Variants in SIK3 observed in about 807,000 individuals in gnomAD.
SIK3 encodes serine/threonine-protein kinase SIK3.
Under a neutral mutation model 144.2 loss-of-function variants are expected in SIK3, and 28 were observed. That is an observed-to-expected ratio of 0.19 (90% CI 0.14 to 0.27). The LOEUF is 0.27. Among genes scored for constraint, SIK3 ranks in the 10% least tolerant of loss-of-function variants. SIK3 has a pLI of 1.00. For missense variants in SIK3, 1,319 were observed against 1,776.0 expected, an observed-to-expected ratio of 0.74 and a Z score of 4.62; for synonymous variants, 686 against 676.3, an observed-to-expected ratio of 1.01 and a Z score of -0.22.
intron 6 of SIK3, among the ~76,000 whole-genome samples, chr11:116,889,944 A>C (rs1274062046): frequency 6.6e-6 from 1 of 152,190 alleles, no homozygotes; most frequent in Non-Finnish European, 1.5e-5. Context: ...AAAAGCCCTA[A>C]ACAAATGTAA....
At chr11:116,885,576 T>C (rs546271548) in intron 6 of SIK3, among the ~76,000 whole-genome samples, 92 of 152,322 alleles carry the variant, frequency 6.0e-4, no homozygotes, top group South Asian at 5.6e-3. Context: ...TTTTGACTCC[T>C]AGTATCAGTC....
At chr11:117,042,129 G>T (rs1463082978) in intron 1 of SIK3, among the ~76,000 whole-genome samples, 1 of 152,016 alleles carries the variant, frequency 6.6e-6, no homozygotes, top group South Asian at 2.1e-4. Flanking sequence ...TGACTTCGAG[G>T]GTTACAGAAG....
In SIK3 at chr11:117,055,586, G is replaced by T. The variant is rs571188829; in HGVS notation, c.273+42557C>A. On this transcript the variant is annotated intron_variant, in intron 1 of 24. Coordinates refer to ENST00000445177, the MANE Select transcript of SIK3 (RefSeq NM_001366686.3). ...GAGGAGCCAAGGACAAAATCCAGAAGAATATAATCGCTTAACAAGTAGGCA... is the reference window on the plus strand; with the variant it reads ...GAGGAGCCAAGGACAAAATCCAGAATAATATAATCGCTTAACAAGTAGGCA... Among the ~76,000 whole-genome samples, 5 of 152,348 alleles carry T rather than the reference G, an allele frequency of 3.3e-5. No homozygotes were observed. The South Asian group carries it at 1.0e-3, about 32-fold the overall frequency.
At chr11:116,866,687 G>A (rs1239939408) in intron 15 of SIK3, among the ~76,000 whole-genome samples, 2 of 152,044 alleles carry the variant, frequency 1.3e-5, no homozygotes, top group Non-Finnish European at 2.9e-5. Context: ...TGATCCACCC[G>A]CCTCGGCCTC....
chr11:116,976,660 G>C (rs1949956832), intron 1 of SIK3, among the ~76,000 whole-genome samples: 1 of 152,180 alleles, frequency 6.6e-6, no homozygotes, highest in Non-Finnish European at 1.5e-5. Flanking sequence ...CCTCTGCTAA[G>C]GCTGGTGTTT....
At chr11:117,078,895 G>GA in intron 1 of SIK3, among the ~76,000 whole-genome samples, 1 of 151,628 alleles carries the variant, frequency 6.6e-6, no homozygotes, top group Admixed American at 6.6e-5. Flanking sequence ...AAAACTGTGA[G>GA]AAAAATGTTG....
At chr11:117,096,498 G>C (rs1271908482) in intron 1 of SIK3, among the ~76,000 whole-genome samples, 1 of 152,166 alleles carries the variant, frequency 6.6e-6, no homozygotes, top group Non-Finnish European at 1.5e-5. Context: ...GAGGGGCTGG[G>C]GTGGCAAGTG....
chr11:117,078,009 C>G (rs545344353), intron 1 of SIK3, among the ~76,000 whole-genome samples: 2 of 152,306 alleles, frequency 1.3e-5, no homozygotes, highest in African/African-American at 2.4e-5. Context: ...AATGGGTAAT[C>G]ATGTGAAAAT....
intron 1 of SIK3, among the ~76,000 whole-genome samples, chr11:117,027,996 A>G (rs1462871977): frequency 6.6e-6 from 1 of 152,208 alleles, no homozygotes; most frequent in African/African-American, 2.4e-5. Flanking sequence ...TACATATAGA[A>G]GATGCTTTTT....
rs114258499 is a variant in SIK3, at chr11:117,011,532, C to A, written c.274-54468G>T. Reference sequence around the variant, plus strand: ...AATTAAACGGAAATTTTTTTTTTTACCCCGAACCAGAAATTCTGTTGAGAT... The same window carrying A: ...AATTAAACGGAAATTTTTTTTTTTAACCCGAACCAGAAATTCTGTTGAGAT... On this transcript the variant is annotated intron_variant, in intron 1 of 24. Transcript: ENST00000445177. Among the ~76,000 whole-genome samples, 1,149 of 151,658 alleles carry A rather than the reference C, an allele frequency of 7.6e-3. 13 individuals carry two copies. Among genetic ancestry groups the A allele is most frequent in the African/African-American group, 0.027 (1,105 of 41,362 alleles).
At chr11:117,010,806 T>C (rs1315594227) in intron 1 of SIK3, among the ~76,000 whole-genome samples, 1 of 152,100 alleles carries the variant, frequency 6.6e-6, no homozygotes, top group Non-Finnish European at 1.5e-5. Flanking sequence ...ATACATATAC[T>C]TTAGATTGAG....
rs762207731 is a variant in SIK3, at chr11:117,087,849, G to A, written c.273+10294C>T. On this transcript the variant is annotated intron_variant, in intron 1 of 24. Coordinates refer to ENST00000445177, the MANE Select transcript of SIK3 (RefSeq NM_001366686.3). ...ACATCAAAGACTTGTGCACAACAAT[G>A]GTTATCACAGAAAATTTGTAAAGTG... is the stretch of plus-strand genomic sequence containing the variant. Among the ~76,000 whole-genome samples the A allele has an allele frequency of 1.1e-4, 16 of 152,222 alleles. No homozygotes were observed. In the South Asian group the frequency reaches 1.5e-3, roughly 14 times the overall value.
chr11:116,859,006 T>C (rs1020467643), intron 20 of SIK3, among the ~76,000 whole-genome samples: 49 of 152,202 alleles, frequency 3.2e-4, no homozygotes, highest in African/African-American at 1.1e-3. Flanking sequence ...TTTTCTTCTT[T>C]GCAAGCAAAT....
intron 22 of SIK3, 126 bp downstream of exon 22, chr11:116,848,994 G>T: frequency 9.0e-7 from 1 of 1,111,184 alleles, no homozygotes; most frequent in Non-Finnish European, 1.2e-6. Flanking sequence ...GCTCCCCACC[G>T]TTTCCAGAAA....
In SIK3 at chr11:117,098,189, T is replaced by C. The variant is rs546098115; in HGVS notation, c.227A>G (p.Asn76Ser). Reference sequence around the variant, plus strand: ...CGTGGCCCGCTTGACCACCGCGAAGTTGCCCTTGCCGATGGTGCGGTCGAT... The same window carrying C: ...CGTGGCCCGCTTGACCACCGCGAAGCTGCCCTTGCCGATGGTGCGGTCGAT... ...YEIDRTIGKGNFAVVKRATHL... is the reference protein window; with the variant it reads ...YEIDRTIGKGSFAVVKRATHL... Residue 76 changes from asparagine (N) to serine (S), a missense_variant, in exon 1 of 25, where the codon AAC becomes AGC. This residue lies in a region of SIK3 where 114 missense variants were observed against 116.2 expected (regional missense o/e 0.98). Coordinates refer to ENST00000445177, the MANE Select transcript of SIK3 (RefSeq NM_001366686.3). The C allele has an allele frequency of 3.9e-6, 6 of 1,520,952 alleles. No individual in the cohort carries two copies. Among genetic ancestry groups the C allele is most frequent in the Admixed American group, 3.7e-5 (2 of 54,106 alleles). The allele number at this position is 1,520,952 out of a possible 1,614,324, so 94.2% of individuals were successfully genotyped here. A position where few individuals can be genotyped will look rare whatever the true frequency, so the allele number is the denominator to read the frequency against.
At chr11:116,938,963 T>C (rs1164379465) in intron 3 of SIK3, among the ~76,000 whole-genome samples, 1 of 152,138 alleles carries the variant, frequency 6.6e-6, no homozygotes, top group Admixed American at 6.5e-5. Context: ...CCACTGGAGA[T>C]TGCAGAGAAC....
intron 1 of SIK3, among the ~76,000 whole-genome samples, chr11:117,024,542 A>G (rs1951931345): frequency 2.0e-5 from 3 of 152,192 alleles, no homozygotes; most frequent in East Asian, 1.9e-4. Flanking sequence ...TCAGGGATTC[A>G]TCAGGTAACA....
At chr11:116,864,061 G>A (rs1943495669) in intron 15 of SIK3, 1 of 375,734 alleles carries the variant, frequency 2.7e-6, no homozygotes, top group Non-Finnish European at 4.8e-6. Flanking sequence ...CAAGCCTGGT[G>A]AGGTCCCGAG....
At chr11:116,965,519 G>A (rs1305305690) in intron 1 of SIK3, among the ~76,000 whole-genome samples, 1 of 151,468 alleles carries the variant, frequency 6.6e-6, no homozygotes, top group African/African-American at 2.4e-5. Flanking sequence ...AAGTTTAAGA[G>A]GGAGATACTT....
Sources: allele counts gnomAD v4.1 joint callset (sites outside exome capture counted in the v4.1 genomes callset), GRCh38; gene constraint gnomAD v4.1.1; regional missense constraint gnomAD v4.1.1; transcripts MANE v1.5; gene names NCBI Gene and HGNC (gene_info 2026-07-23, HGNC 2026-07-21).